The following SMIM36 variants were observed in gnomAD, a reference collection of about 807,000 sequenced individuals.
SMIM36 encodes the protein small integral membrane protein 36.
rs1909854762 is a variant in SMIM36 at position 55,498,749 on chromosome 17, A to T, written c.*174+12130T>A. ...CGTGGTGGCTCACACCTGTAATCCC[A>T]GCACTCTGGGAGGCCGAGGCGGGTG... On this transcript the variant is annotated intron_variant, in intron 1 of 4. Coordinates refer to ENST00000636752, the Ensembl canonical transcript of SMIM36. Among the ~76,000 whole-genome samples the T allele has an allele frequency of 2.0e-5, 3 of 152,092 alleles. 1 individual carries two copies. The South Asian group carries it at 6.2e-4, about 31-fold the overall frequency.
intron 1 of SMIM36, among the ~76,000 whole-genome samples, chr17:55,493,115 A>G (rs1336266814): frequency 6.6e-6 from 1 of 152,230 alleles, no homozygotes; most frequent in African/African-American, 2.4e-5. Flanking sequence ...CCTGATCAAC[A>G]ACAATGCTGT....
chr17:55,514,493 T>C (rs1375750183), upstream of SMIM36, among the ~76,000 whole-genome samples: 54 of 152,232 alleles, frequency 3.5e-4, no homozygotes, highest in Admixed American at 3.5e-3. Context: ...TTTTTTAAAA[T>C]GAGAAAATTG....
chr17:55,469,943 T>C (rs919792836), intron 3 of SMIM36, among the ~76,000 whole-genome samples: 37 of 151,874 alleles, frequency 2.4e-4, no homozygotes, highest in Admixed American at 2.4e-3. Flanking sequence ...GATTGTGCCA[T>C]TGTACTCCAG....
chr17:55,494,935 T>C (rs1909782828), intron 1 of SMIM36, among the ~76,000 whole-genome samples: 1 of 152,122 alleles, frequency 6.6e-6, no homozygotes, highest in Admixed American at 6.6e-5. Context: ...ATATATAAAG[T>C]TGGGAAGATG....
chr17:55,471,134 CT>C (rs1384083340), intron 3 of SMIM36, among the ~76,000 whole-genome samples: 1 of 152,152 alleles, frequency 6.6e-6, no homozygotes, highest in East Asian at 1.9e-4. Flanking sequence ...CTCCCAGCCT[CT>C]TTTCGCCTTT....
chr17:55,516,958 A>G, the SMIM36 span, among the ~76,000 whole-genome samples: 1,038 of 152,260 alleles, frequency 6.8e-3, 8 homozygotes, highest in Middle Eastern at 0.041. Flanking sequence ...CTTCTCCCCA[A>G]CACTCCCTAT....
the SMIM36 span, among the ~76,000 whole-genome samples, chr17:55,519,206 T>C: frequency 0.039 from 5,965 of 152,226 alleles, 356 homozygotes; most frequent in African/African-American, 0.13. Flanking sequence ...ATTGAGATAG[T>C]AGTTCAAAGT....
intron 1 of SMIM36, among the ~76,000 whole-genome samples, chr17:55,498,583 A>T (rs1366969301): frequency 1.6e-4 from 23 of 147,058 alleles, no homozygotes; most frequent in Admixed American, 4.8e-4. Flanking sequence ...GATTATATCC[A>T]TTTTTTTTTT....
chr17:55,460,715 G>A (rs1349832820), intron 4 of SMIM36, among the ~76,000 whole-genome samples: 6 of 151,500 alleles, frequency 4.0e-5, no homozygotes, highest in Non-Finnish European at 7.4e-5. Context: ...AAAATTAGCT[G>A]GGCATGGTGG....
intron 4 of SMIM36, among the ~76,000 whole-genome samples, chr17:55,460,455 A>C (rs370805549): frequency 0.18 from 27,236 of 148,766 alleles, 4,059 homozygotes; most frequent in African/African-American, 0.41. Context: ...AACAAAACAA[A>C]AAAAAAGAAC....
At chr17:55,515,084 GTGTTTTT>G (rs1415305673), upstream of SMIM36, among the ~76,000 whole-genome samples, 177 of 56,142 alleles carry the variant, frequency 3.2e-3, 8 homozygotes, top group Middle Eastern at 0.012. Context: ...TTCTAGTCTA[GTGTTTTT>G]TTTTTTTTTT....
At chr17:55,497,850 T>A (rs1038421186) in intron 1 of SMIM36, among the ~76,000 whole-genome samples, 1 of 152,200 alleles carries the variant, frequency 6.6e-6, no homozygotes, top group Non-Finnish European at 1.5e-5. Context: ...AATAGAATCA[T>A]GTAACTGACC....
At chr17:55,508,132 C>G (rs550380559) in intron 1 of SMIM36, among the ~76,000 whole-genome samples, 1 of 152,040 alleles carries the variant, frequency 6.6e-6, no homozygotes, top group East Asian at 1.9e-4. Context: ...TACTGCTTTG[C>G]CTTGTAACAA....
chr17:55,476,572 T>TC (rs1297354551), intron 3 of SMIM36, among the ~76,000 whole-genome samples: 1 of 151,854 alleles, frequency 6.6e-6, no homozygotes, highest in Non-Finnish European at 1.5e-5. Flanking sequence ...TCACTATTTT[T>TC]TTTTTTTGTT....
chr17:55,501,476 A>AT (rs1567871278), intron 1 of SMIM36, among the ~76,000 whole-genome samples: 536 of 95,456 alleles, frequency 5.6e-3, no homozygotes, highest in African/African-American at 9.5e-3. Context: ...TATATTTTAT[A>AT]ATTATTATAT....
exon 1 of SMIM36, chr17:55,510,995 G>T (rs1004213635): frequency 1.0e-5 from 4 of 397,614 alleles, no homozygotes; most frequent in Non-Finnish European, 1.8e-5. Context: ...CCACGATAGG[G>T]AGCAGTTTGT....
chr17:55,462,740 C>T (rs948495793), intron 4 of SMIM36, among the ~76,000 whole-genome samples: 17 of 152,296 alleles, frequency 1.1e-4, no homozygotes, highest in African/African-American at 3.6e-4. Context: ...GTTAGGTGCT[C>T]AACAATTCAT....
At chr17:55,477,061 T>A (rs917180920) in intron 3 of SMIM36, 4 of 152,174 alleles carry the variant, frequency 2.6e-5, no homozygotes, top group Non-Finnish European at 5.9e-5. Flanking sequence ...TCACCTGTAG[T>A]TCTAGCTACT....
the SMIM36 span, among the ~76,000 whole-genome samples, chr17:55,525,384 A>G: frequency 1.3e-5 from 2 of 152,088 alleles, no homozygotes; most frequent in Non-Finnish European, 2.9e-5. Flanking sequence ...CCTAAAATCC[A>G]TCTTTAATAC....
Sources: allele counts gnomAD v4.1 joint callset (sites outside exome capture counted in the v4.1 genomes callset), GRCh38; gene constraint gnomAD v4.1.1; transcripts MANE v1.5; gene names NCBI Gene and HGNC (gene_info 2026-07-23, HGNC 2026-07-21).